Variants in GRID2 observed in about 807,000 individuals in gnomAD.
GRID2 encodes the protein glutamate ionotropic receptor delta type subunit 2.
A neutral mutation model predicts 114.8 loss-of-function variants in GRID2; 33 were observed. The observed-to-expected ratio is 0.29, with a 90% CI of 0.22 to 0.38. The LOEUF is 0.38. Among genes scored for constraint, GRID2 ranks in the 10% least tolerant of loss-of-function variants. The probability of loss-of-function intolerance (pLI) is 1.00; values close to 1 mark genes in which losing one functional copy is unlikely to be tolerated. For missense variants in GRID2, 1,184 were observed against 1,257.7 expected (o/e 0.94, Z 0.89); for synonymous variants, 505 against 449.9 (o/e 1.12, Z -1.55).
At chr4:93,479,199 T>A (rs1473586047) in intron 11 of GRID2, among the ~76,000 whole-genome samples, 2 of 152,062 alleles carry the variant, frequency 1.3e-5, no homozygotes, top group East Asian at 1.9e-4. Flanking sequence ...CATACCTTCA[T>A]TTTAAAAATA....
At chr4:93,727,197 G>A (rs533821659) in intron 14 of GRID2, among the ~76,000 whole-genome samples, 3 of 152,170 alleles carry the variant, frequency 2.0e-5, no homozygotes, top group Middle Eastern at 3.4e-3. Flanking sequence ...TAGCATGAAG[G>A]GTTGTTGAAT....
intron 2 of GRID2, among the ~76,000 whole-genome samples, chr4:92,721,733 A>G (rs1263515121): frequency 1.3e-5 from 2 of 152,172 alleles, no homozygotes; most frequent in African/African-American, 4.8e-5. Flanking sequence ...TTCTTTCCTA[A>G]AATAAACTCT....
intron 13 of GRID2, among the ~76,000 whole-genome samples, chr4:93,608,817 G>C (rs1283834931): frequency 7.4e-6 from 1 of 136,022 alleles, no homozygotes; most frequent in Middle Eastern, 3.9e-3. Flanking sequence ...AGTCATTTGG[G>C]TATATACCCA....
At chr4:93,171,483 A>G (rs749182381) in intron 4 of GRID2, among the ~76,000 whole-genome samples, 12 of 152,244 alleles carry the variant, frequency 7.9e-5, no homozygotes, top group Non-Finnish European at 1.5e-4. Context: ...AACATTCTAT[A>G]TATTTTACTA....
chr4:92,392,867 A>G (rs1055853321), intron 1 of GRID2, among the ~76,000 whole-genome samples: 1 of 152,088 alleles, frequency 6.6e-6, no homozygotes, highest in Non-Finnish European at 1.5e-5. Context: ...GGTCATGTTT[A>G]TTTTGAACAT....
intron 1 of GRID2, among the ~76,000 whole-genome samples, chr4:92,497,447 A>T (rs2149119658): frequency 6.6e-6 from 1 of 152,008 alleles, no homozygotes; most frequent in East Asian, 1.9e-4. Context: ...ACTACCTGAA[A>T]GCATTACTAT....
rs147143559 is a variant in GRID2 at position 93,155,704 on chromosome 4, T to C, written c.735+44751T>C. Among the ~76,000 whole-genome samples the C allele has an allele frequency of 3.7e-3, 556 of 151,672 alleles. 2 individuals are homozygous for C. The highest frequency in any genetic ancestry group is 8.9e-3 in the South Asian group (43 of 4,812). ...AATGGAGAAGGGAGGGGCAAGCAAGTTTATAAAATCAAAATGACTTCATGT... is the reference window on the plus strand; with the variant it reads ...AATGGAGAAGGGAGGGGCAAGCAAGCTTATAAAATCAAAATGACTTCATGT... On this transcript the variant is annotated intron_variant, in intron 4 of 15. Transcript: ENST00000282020.
chr4:92,701,971 T>A (rs945347907), intron 2 of GRID2, among the ~76,000 whole-genome samples: 1 of 152,136 alleles, frequency 6.6e-6, no homozygotes, highest in Non-Finnish European at 1.5e-5. Context: ...TACCCTAGGA[T>A]AACAGCGCAA....
At chr4:93,104,870 G>C (rs1732053001) in intron 3 of GRID2, among the ~76,000 whole-genome samples, 1 of 151,954 alleles carries the variant, frequency 6.6e-6, no homozygotes, top group South Asian at 2.1e-4. Flanking sequence ...CTAGATCCCT[G>C]AGGAATCGCC....
chr4:92,880,236 A>C (rs1397613068), intron 2 of GRID2, among the ~76,000 whole-genome samples: 2 of 152,200 alleles, frequency 1.3e-5, no homozygotes, highest in Admixed American at 1.3e-4. Flanking sequence ...CATTTGGAGG[A>C]GTATTAAGAA....
At chr4:92,982,688 C>A (rs1754291713) in intron 2 of GRID2, among the ~76,000 whole-genome samples, 1 of 152,074 alleles carries the variant, frequency 6.6e-6, no homozygotes, top group Admixed American at 6.6e-5. Flanking sequence ...CCTCCATGGA[C>A]ATTCAGATTC....
At chr4:92,818,847 C>G (rs1019514722) in intron 2 of GRID2, among the ~76,000 whole-genome samples, 3 of 152,060 alleles carry the variant, frequency 2.0e-5, no homozygotes, top group African/African-American at 4.8e-5. Context: ...AGCATGTTTT[C>G]TACATGAATA....
intron 4 of GRID2, among the ~76,000 whole-genome samples, chr4:93,130,097 T>C (rs1734660332): frequency 6.6e-6 from 1 of 152,172 alleles, no homozygotes; most frequent in Admixed American, 6.5e-5. Flanking sequence ...TTGTTTTAAT[T>C]ATCCAGGTTG....
Position 93,422,769 on chromosome 4 carries a change from A to G in GRID2, c.1348-2A>G. On this transcript the variant is annotated splice_acceptor_variant, in intron 9 of 15. Coordinates refer to ENST00000282020, the MANE Select transcript of GRID2 (RefSeq NM_001510.4). LOFTEE classifies it high-confidence loss of function. ...TCAGAAATTTCTCTTATTTCCATGT[A>G]GGAAGAACCTTTTGTGATGGTCTCT... 1 of 1,600,882 alleles carries G rather than the reference A, an allele frequency of 6.2e-7. No homozygotes were observed. The highest frequency in any genetic ancestry group is 8.6e-7 in the Non-Finnish European group (1 of 1,168,078).
intron 1 of GRID2, among the ~76,000 whole-genome samples, chr4:92,440,163 G>T (rs1248193351): frequency 2.0e-5 from 3 of 146,400 alleles, no homozygotes; most frequent in Non-Finnish European, 3.1e-5. Flanking sequence ...TGAGCTTGGT[G>T]AGGTGTGTTT....
chr4:93,213,455 G>C (rs1367696275), intron 5 of GRID2, among the ~76,000 whole-genome samples: 1 of 151,996 alleles, frequency 6.6e-6, no homozygotes, highest in African/African-American at 2.4e-5. Context: ...AAAATTTCAG[G>C]TATAAGTCTT....
chr4:92,570,612 G>A (rs1367815368), intron 1 of GRID2, among the ~76,000 whole-genome samples: 1 of 151,950 alleles, frequency 6.6e-6, no homozygotes, highest in African/African-American at 2.4e-5. Context: ...CCATTTGTTT[G>A]TGTCATTTCT....
intron 13 of GRID2, among the ~76,000 whole-genome samples, chr4:93,534,472 A>G (rs898670890): frequency 6.6e-6 from 1 of 152,086 alleles, no homozygotes; most frequent in Non-Finnish European, 1.5e-5. Flanking sequence ...CATTTTCTTA[A>G]TTAACTGTTC....
intron 13 of GRID2, among the ~76,000 whole-genome samples, chr4:93,557,096 A>G (rs756258204): frequency 2.0e-5 from 3 of 152,200 alleles, no homozygotes; most frequent in African/African-American, 2.4e-5. Context: ...AGGAAGCACT[A>G]CATATGGAGA....
Sources: gnomAD v4.1 joint callset for allele counts (sites outside exome capture counted in the v4.1 genomes callset) on GRCh38, gnomAD v4.1.1 for gene constraint, MANE v1.5 for transcripts, NCBI Gene and HGNC (gene_info 2026-07-23, HGNC 2026-07-21) for gene names.